Variants in ACSL3 observed in about 807,000 individuals in gnomAD.
ACSL3 encodes the protein fatty acid CoA ligase Acsl3.
ACSL3 carries 34 observed loss-of-function variants against 84.7 expected under a neutral mutation model. The observed-to-expected ratio is 0.40, with a 90% CI of 0.31 to 0.53. ACSL3 has a LOEUF of 0.53. Ranked by LOEUF, ACSL3 falls within the 20% of genes least tolerant of loss-of-function variation. The pLI is 0.48. For missense variants in ACSL3, 680 were observed against 873.1 expected (o/e 0.78, Z 2.79); for synonymous variants, 315 against 299.4 (o/e 1.05, Z -0.54).
At position 222,923,161 on chromosome 2, in the gene ACSL3, C is replaced by T. The variant is rs752992653; in HGVS notation, c.1152+12C>T. ...TGGCAGCAGTTCCGGTAAGAAGTGA[C>T]CCTTATTTAATATTGAGTATTAAAG... On this transcript the variant is annotated intron_variant, in intron 10 of 16. Coordinates refer to ENST00000357430, the MANE Select transcript of ACSL3 (RefSeq NM_004457.5). 4.4e-6 allele frequency: 7 copies of T among 1,606,336 alleles called. No homozygotes were observed. The Admixed American group carries it at 1.0e-4, about 23-fold the overall frequency.
chr2:222,884,610 C>A (rs1695676067), intron 1 of ACSL3, among the ~76,000 whole-genome samples: 1 of 152,202 alleles, frequency 6.6e-6, no homozygotes, highest in Non-Finnish European at 1.5e-5. Flanking sequence ...CCATCTCCTT[C>A]ATGTGTGTCC....
chr2:222,927,826 AC>A (rs747840567), intron 12 of ACSL3, among the ~76,000 whole-genome samples: 30 of 152,278 alleles, frequency 2.0e-4, no homozygotes, highest in Non-Finnish European at 4.0e-4. Flanking sequence ...TAGATACAAA[AC>A]CTCATGACTG....
At chr2:222,927,797 T>C (rs1696923026) in intron 12 of ACSL3, among the ~76,000 whole-genome samples, 1 of 152,244 alleles carries the variant, frequency 6.6e-6, no homozygotes, top group African/African-American at 2.4e-5. Flanking sequence ...TCTCCTACTT[T>C]GTATTTGCCA....
chr2:222,861,919 C>T (rs1361058616), intron 1 of ACSL3, among the ~76,000 whole-genome samples: 1 of 152,004 alleles, frequency 6.6e-6, no homozygotes, highest in African/African-American at 2.4e-5. Context: ...ACCAGCAGTC[C>T]TGTGGGGTAG....
At chr2:222,886,468 GT>G (rs1170499458) in intron 1 of ACSL3, among the ~76,000 whole-genome samples, 4 of 152,158 alleles carry the variant, frequency 2.6e-5, no homozygotes, top group Non-Finnish European at 5.9e-5. Context: ...CAAATTAAAA[GT>G]TAATGAAGCA....
At chr2:222,917,338 C>T (rs993944598) in intron 5 of ACSL3, 2 of 152,242 alleles carry the variant, frequency 1.3e-5, no homozygotes, top group African/African-American at 4.8e-5. Flanking sequence ...ATCCGCCCAC[C>T]TCGGCCTCCC....
At chr2:222,928,800 GA>G in intron 12 of ACSL3, 61 bp from the exon 13 acceptor site, 6 of 1,328,390 alleles carry the variant, frequency 4.5e-6, no homozygotes, top group Non-Finnish European at 6.5e-6. Context: ...TGGTAATTTA[GA>G]AAAATGAAGC....
At chr2:222,869,300 TACCTCAC>T (rs1259099350) in intron 1 of ACSL3, among the ~76,000 whole-genome samples, 4 of 152,232 alleles carry the variant, frequency 2.6e-5, no homozygotes, top group African/African-American at 9.6e-5. Flanking sequence ...TTTCAATTCT[TACCTCAC>T]AAGGTTATCA....
intron 10 of ACSL3, 77 bp from the exon 11 acceptor site, chr2:222,924,379 A>G: frequency 2.3e-6 from 3 of 1,276,666 alleles, no homozygotes; most frequent in African/African-American, 3.1e-5. Context: ...ATTGCTAGAA[A>G]TGTTAATCTA....
intron 1 of ACSL3, among the ~76,000 whole-genome samples, chr2:222,868,864 G>C (rs977525677): frequency 4.6e-5 from 7 of 152,018 alleles, no homozygotes; most frequent in African/African-American, 1.7e-4. Context: ...CAGCTACTTG[G>C]GAGGCTGAGA....
chr2:222,906,396 T>G (rs138526118), intron 3 of ACSL3, among the ~76,000 whole-genome samples: 1 of 152,322 alleles, frequency 6.6e-6, no homozygotes, highest in Admixed American at 6.5e-5. Flanking sequence ...GCTAACTGAT[T>G]GCTTTATTGT....
chr2:222,920,398 G>T (rs996891609), intron 7 of ACSL3, among the ~76,000 whole-genome samples: 2 of 152,126 alleles, frequency 1.3e-5, no homozygotes, highest in African/African-American at 4.8e-5. Flanking sequence ...TTCTTCTGCT[G>T]TGCCACCTCT....
intron 1 of ACSL3, among the ~76,000 whole-genome samples, chr2:222,874,234 A>G (rs1055749363): frequency 6.6e-6 from 1 of 152,138 alleles, no homozygotes; most frequent in Admixed American, 6.6e-5. Flanking sequence ...TATGTTGGCC[A>G]GACTGGTCTT....
At chr2:222,907,154 G>C (rs552906807) in intron 3 of ACSL3, among the ~76,000 whole-genome samples, 1 of 152,306 alleles carries the variant, frequency 6.6e-6, no homozygotes, top group African/African-American at 2.4e-5. Flanking sequence ...AGTCTTCTCT[G>C]TTTGGAGCTT....
At chr2:222,865,839 C>A (rs536293030) in intron 1 of ACSL3, among the ~76,000 whole-genome samples, 1 of 150,530 alleles carries the variant, frequency 6.6e-6, no homozygotes, top group African/African-American at 2.4e-5. Context: ...CAGATGTGTA[C>A]GCATTGGAGA....
chr2:222,917,384 A>G (rs900825902), intron 5 of ACSL3: 9 of 152,216 alleles, frequency 5.9e-5, no homozygotes, highest in African/African-American at 2.2e-4. Flanking sequence ...CCACCGTGCT[A>G]GGCCTCCTAC....
chr2:222,912,262 A>G (rs1007783088), intron 4 of ACSL3, among the ~76,000 whole-genome samples: 1 of 152,240 alleles, frequency 6.6e-6, no homozygotes, highest in Non-Finnish European at 1.5e-5. Context: ...AGTGATCTGC[A>G]GACTGCAGAG....
chr2:222,944,346 CTGA>C lies in ACSL3; in HGVS notation c.*2695_*2697del, dbSNP rs1433625908. On this transcript the variant is annotated 3_prime_UTR_variant, in exon 17 of 17. Transcript: ENST00000357430. ...ACTTTGAAAAAACTTTTAAAAATCTCTGATGTGTGGGCTCTTTTTTTCCCATAA... is the reference window on the plus strand; with the variant it reads ...ACTTTGAAAAAACTTTTAAAAATCTCTGTGTGGGCTCTTTTTTTCCCATAA... 6.6e-6 allele frequency: 1 copy of C among 152,120 alleles called. No homozygotes were observed. The highest frequency in any genetic ancestry group is 1.5e-5 in the Non-Finnish European group (1 of 68,000). The allele number at this position is 152,120 out of a possible 1,614,324, so 9.4% of individuals were successfully genotyped here. A position where few individuals can be genotyped will look rare whatever the true frequency, so the allele number is the denominator to read the frequency against.
intron 12 of ACSL3, 22 bp from the exon 13 acceptor site, chr2:222,928,840 C>T: frequency 1.9e-6 from 3 of 1,598,134 alleles, no homozygotes; most frequent in Non-Finnish European, 2.6e-6. Flanking sequence ...CTCAAATATC[C>T]TTTTTTTCAT....
Sources: gnomAD v4.1 joint callset for allele counts (sites outside exome capture counted in the v4.1 genomes callset) on GRCh38, gnomAD v4.1.1 for gene constraint, MANE v1.5 for transcripts, NCBI Gene and HGNC (gene_info 2026-07-23, HGNC 2026-07-21) for gene names.